BCL11A: variants seen among roughly 807,000 people sequenced by gnomAD.
The protein encoded by BCL11A is B cell CLL/lymphoma 11A.
A neutral mutation model predicts 55.9 loss-of-function variants in BCL11A; 2 were observed. The observed-to-expected ratio is 0.04, with a 90% CI of 0.01 to 0.11. The LOEUF is 0.11. BCL11A is among the 10% of genes least tolerant of loss of function. BCL11A has a pLI of 1.00. For missense variants in BCL11A, 817 were observed against 1,137.1 expected (o/e 0.72, Z 4.05); for synonymous variants, 465 against 473.4 (o/e 0.98, Z 0.23).
At chr2:60,482,762 C>A (rs1010568756) in intron 2 of BCL11A, among the ~76,000 whole-genome samples, 1 of 152,312 alleles carries the variant, frequency 6.6e-6, no homozygotes, top group South Asian at 2.1e-4. Flanking sequence ...CAGGTTAGTA[C>A]CACACTACAT....
chr2:60,515,099 A>T (rs1375028545), intron 2 of BCL11A, among the ~76,000 whole-genome samples: 1 of 151,988 alleles, frequency 6.6e-6, no homozygotes, highest in East Asian at 1.9e-4. Flanking sequence ...AGACCTAAGG[A>T]TCCTCCCCCA....
intron 2 of BCL11A, among the ~76,000 whole-genome samples, chr2:60,529,447 T>G (rs1240677262): frequency 6.6e-6 from 1 of 152,208 alleles, no homozygotes; most frequent in Non-Finnish European, 1.5e-5. Flanking sequence ...GCCTAAACCA[T>G]TTTATTTCGT....
intron 2 of BCL11A, among the ~76,000 whole-genome samples, chr2:60,509,067 C>CG (rs1679824582): frequency 6.6e-6 from 1 of 152,222 alleles, no homozygotes; most frequent in African/African-American, 2.4e-5. Flanking sequence ...GACAGAAACA[C>CG]TGACTCTTAT....
Position 60,462,113 on chromosome 2 carries a change from T to C in BCL11A, c.799A>G (p.Ser267Gly). Reference sequence around the variant, plus strand: ...TCCAAGTGATGTCTCGGTGGTGGACTAAACAGGGGGGGAGTGGGTGGAAAG... The same window carrying C: ...TCCAAGTGATGTCTCGGTGGTGGACCAAACAGGGGGGGAGTGGGTGGAAAG... ...GRFPPTPPLF[S>G]PPPRHHLDPH... The change falls in exon 4 of 4, where the codon AGT (serine) becomes GGT (glycine). Residue 267 changes from serine (S) to glycine (G), a missense_variant. Physicochemically the swap from Ser to Gly is moderately conservative, Grantham distance 56. Coordinates refer to ENST00000642384, the MANE Select transcript of BCL11A (RefSeq NM_022893.4). 6.5e-7 allele frequency: 1 copy of C among 1,547,280 alleles called. No individual in the cohort carries two copies.
chr2:60,459,182 CT>C lies in BCL11A; in HGVS notation c.*1221del. The C allele has an allele frequency of 9.8e-7, 1 of 1,023,250 alleles. No homozygotes were observed. Among genetic ancestry groups the C allele is most frequent in the Non-Finnish European group, 1.2e-6 (1 of 852,226 alleles). The allele number at this position is 1,023,250 out of a possible 1,614,324, so 63.4% of individuals were successfully genotyped here. ...GTCAAACCTTATTGTCAGCCTCTTC[CT>C]TTCAATATGGTATACAAGGTCTTAA... On this transcript the variant is annotated 3_prime_UTR_variant, in exon 4 of 4. Coordinates refer to ENST00000642384, the MANE Select transcript of BCL11A (RefSeq NM_022893.4).
chr2:60,553,313 C>CGGG lies in BCL11A; in HGVS notation c.-46_-44dup, dbSNP rs1175725557. The CGGG allele has an allele frequency of 6.0e-6, 9 of 1,505,998 alleles. No individual in the cohort carries two copies. In the South Asian group the frequency reaches 1.1e-4, roughly 19 times the overall value. 93.3% of individuals were successfully genotyped at this position (1,505,998 alleles called of 1,614,324 possible). ...GCGGCGGCGGCGGCGGCGGCGGCGG[C>CGGG]GGGCGGACGACGGCTCGGTTCACAT... On this transcript the variant is annotated 5_prime_UTR_variant, in exon 1 of 4. Transcript: ENST00000642384.
chr2:60,517,387 G>A (rs1226650395), intron 2 of BCL11A, among the ~76,000 whole-genome samples: 2 of 152,222 alleles, frequency 1.3e-5, no homozygotes, highest in Admixed American at 6.5e-5. Flanking sequence ...CCGAAAAAGG[G>A]CAGAGAAAAC....
chr2:60,533,139 C>T (rs1229920296), intron 2 of BCL11A: 1 of 152,206 alleles, frequency 6.6e-6, no homozygotes. Context: ...AAGCACAGCT[C>T]CTCCATGCTC....
chr2:60,455,644 T>C (rs1264126122), downstream of BCL11A, among the ~76,000 whole-genome samples: 2 of 152,244 alleles, frequency 1.3e-5, no homozygotes, highest in Admixed American at 6.5e-5. Flanking sequence ...GTATCCACCA[T>C]TAATTCTGTC....
chr2:60,494,293 C>T (rs1678820872), intron 2 of BCL11A, among the ~76,000 whole-genome samples: 1 of 152,180 alleles, frequency 6.6e-6, no homozygotes, highest in African/African-American at 2.4e-5. Flanking sequence ...TTTGGCTTCT[C>T]ATCTGTGCAT....
chr2:60,475,843 C>A (rs772010564), intron 2 of BCL11A, among the ~76,000 whole-genome samples: 4 of 152,186 alleles, frequency 2.6e-5, no homozygotes, highest in Non-Finnish European at 5.9e-5. Context: ...TCCCCGGATT[C>A]TTTTCTTCCT....
Position 60,546,115 on chromosome 2 carries a change from C to T in BCL11A, c.241G>A (p.Val81Met), listed in dbSNP as rs773560875. 2 of 1,614,210 alleles carry T rather than the reference C, an allele frequency of 1.2e-6. No individual in the cohort carries two copies. Among genetic ancestry groups the T allele is most frequent in the Admixed American group, 1.7e-5 (1 of 60,020 alleles). Residue 81 changes from valine to methionine, a missense_variant, in exon 2 of 4, where the codon GTG becomes ATG. Val to Met is a conservative substitution (Grantham distance 21, BLOSUM62 1). This residue lies in a region of BCL11A where 363 missense variants were observed against 486.6 expected (regional missense o/e 0.75). Transcript: ENST00000642384. This position sits in a 1 kb window ranked among gnomAD's most constrained non-coding sequence, Gnocchi z 4.1. ...GGTGAAGGGGAAGGTGGCTTATCCA[C>T]AGCTTTTTCTAAGCAGAGGCTGCCA... ...CNGSLCLEKAVDKPPSPSPIE... is the reference protein window; with the variant it reads ...CNGSLCLEKAMDKPPSPSPIE...
intron 2 of BCL11A, among the ~76,000 whole-genome samples, chr2:60,513,505 A>G (rs1668583995): frequency 6.6e-6 from 1 of 152,194 alleles, no homozygotes; most frequent in Non-Finnish European, 1.5e-5. Flanking sequence ...GTTAGCCTCT[A>G]GCCAGAACTC....
intron 2 of BCL11A, among the ~76,000 whole-genome samples, chr2:60,476,512 C>G (rs1318891877): frequency 2.0e-5 from 3 of 152,256 alleles, no homozygotes; most frequent in East Asian, 3.8e-4. Flanking sequence ...CAAACCAGGA[C>G]AGCAAAGCCC....
chr2:60,501,702 C>T lies in BCL11A; in HGVS notation c.386-32869G>A, dbSNP rs1160661426. 2.0e-5 allele frequency among the ~76,000 whole-genome samples: 3 copies of T among 151,910 alleles called. No individual in the cohort carries two copies. The East Asian group carries it at 5.8e-4, about 29-fold the overall frequency. On this transcript the variant is annotated intron_variant, in intron 2 of 3. Coordinates refer to ENST00000642384, the MANE Select transcript of BCL11A (RefSeq NM_022893.4). ...TATATTTTTAATAGAGATGAGGTTTCTCCATGTTGGTCAGGCTGGTCTCAA... is the reference window on the plus strand; with the variant it reads ...TATATTTTTAATAGAGATGAGGTTTTTCCATGTTGGTCAGGCTGGTCTCAA...
At chr2:60,499,448 C>T (rs888231490) in intron 2 of BCL11A, among the ~76,000 whole-genome samples, 2 of 152,146 alleles carry the variant, frequency 1.3e-5, no homozygotes, top group Non-Finnish European at 2.9e-5. Flanking sequence ...GAAATTAGCC[C>T]CATTTTATAG....
At chr2:60,496,952 G>T (rs1896296) in intron 2 of BCL11A, among the ~76,000 whole-genome samples, 122,211 of 151,728 alleles carry the variant, frequency 0.81, 49,500 homozygotes, top group South Asian at 0.86. Context: ...TGAACACAAT[G>T]TAGCACTTAA....
At chr2:60,538,751 G>C (rs1162441304) in intron 2 of BCL11A, among the ~76,000 whole-genome samples, 3 of 149,618 alleles carry the variant, frequency 2.0e-5, no homozygotes, top group African/African-American at 7.4e-5. Context: ...GTGTGTGTGT[G>C]TGTGTGTGTG....
At chr2:60,542,433 A>G (rs1046673227) in intron 2 of BCL11A, 2 of 152,274 alleles carry the variant, frequency 1.3e-5, no homozygotes, top group African/African-American at 4.8e-5. Context: ...AAGAAAACAA[A>G]ACAAAACAAA....
Sources: gnomAD v4.1 joint callset for allele counts (sites outside exome capture counted in the v4.1 genomes callset) on GRCh38, gnomAD v4.1.1 for gene constraint, gnomAD v4.1.1 regional missense constraint, Gnocchi (gnomAD v3.1) non-coding constraint, MANE v1.5 for transcripts, NCBI Gene and HGNC (gene_info 2026-07-23, HGNC 2026-07-21) for gene names.